Variants in CCDC148 observed in about 807,000 individuals in gnomAD.
The protein encoded by CCDC148 is coiled-coil domain-containing protein 148.
Under a neutral mutation model 85.7 loss-of-function variants are expected in CCDC148, and 89 were observed. The ratio of observed to expected loss-of-function variants is 1.04; its 90% CI spans 0.87 to 1.24. The LOEUF is 1.24. Among genes scored for constraint, CCDC148 ranks in the 50% most tolerant of loss-of-function variants. The pLI is 0.00. For missense variants in CCDC148, 692 were observed against 671.7 expected (o/e 1.03, Z -0.33); for synonymous variants, 230 against 213.9 (o/e 1.08, Z -0.66).
At chr2:158,292,931 T>A (rs528668202) in intron 9 of CCDC148, among the ~76,000 whole-genome samples, 1 of 152,338 alleles carries the variant, frequency 6.6e-6, no homozygotes, top group South Asian at 2.1e-4. Flanking sequence ...GTCAATTTGT[T>A]ACAAATGCAG....
intron 2 of CCDC148, among the ~76,000 whole-genome samples, chr2:158,351,680 G>C (rs1001556751): frequency 2.0e-5 from 3 of 152,154 alleles, no homozygotes; most frequent in Admixed American, 6.5e-5. Flanking sequence ...GGCTTGATTA[G>C]GTAAACAAAG....
At chr2:158,437,283 T>G (rs1687704261) in intron 1 of CCDC148, among the ~76,000 whole-genome samples, 1 of 152,132 alleles carries the variant, frequency 6.6e-6, no homozygotes, top group Non-Finnish European at 1.5e-5. Flanking sequence ...TCCACCATGA[T>G]CAAGTGGGCT....
At chr2:158,277,531 T>C (rs989209760) in intron 9 of CCDC148, among the ~76,000 whole-genome samples, 1 of 152,242 alleles carries the variant, frequency 6.6e-6, no homozygotes, top group Non-Finnish European at 1.5e-5. Context: ...TGCCAGGAAC[T>C]ACACCATGTC....
chr2:158,314,010 A>G (rs1692166980), intron 7 of CCDC148, 116 bp from the exon 8 acceptor site: 3 of 980,424 alleles, frequency 3.1e-6, no homozygotes, highest in African/African-American at 3.3e-5. Flanking sequence ...GTTTCTGTGT[A>G]TTTTAAATAC....
chr2:158,335,519 TCA>T (rs1682331455), intron 7 of CCDC148, among the ~76,000 whole-genome samples: 1 of 152,200 alleles, frequency 6.6e-6, no homozygotes, highest in South Asian at 2.1e-4. Flanking sequence ...TGGGGAGGCC[TCA>T]CACTCATGGC....
intron 11 of CCDC148, among the ~76,000 whole-genome samples, chr2:158,214,070 T>C (rs2105294850): frequency 7.1e-6 from 1 of 141,332 alleles, no homozygotes; most frequent in Admixed American, 7.6e-5. Flanking sequence ...AGAAAGGAAC[T>C]TGGAGCATAG....
intron 1 of CCDC148, among the ~76,000 whole-genome samples, chr2:158,444,784 TGAAAAA>T (rs1688089673): frequency 2.3e-5 from 1 of 43,702 alleles, no homozygotes; most frequent in South Asian, 1.2e-3. Flanking sequence ...GACCCTGTCT[TGAAAAA>T]AAAAAAAAAA....
chr2:158,176,755 A>C, intron 12 of CCDC148, 94 bp from the exon 13 acceptor site: 1 of 1,405,648 alleles, frequency 7.1e-7, no homozygotes. Context: ...AAAGTTAAGA[A>C]ATTTTATTAA....
chr2:158,427,869 G>GA (rs567962938), intron 1 of CCDC148, among the ~76,000 whole-genome samples: 6 of 151,766 alleles, frequency 4.0e-5, no homozygotes, highest in Non-Finnish European at 5.9e-5. Flanking sequence ...AGACTTTACT[G>GA]AAAAAAAAGA....
At position 158,449,998 on chromosome 2, in the gene CCDC148, T is replaced by TTTG. The variant is rs1224231751; in HGVS notation, c.25+6416_25+6417insCAA. ...CACATATTGTCATCTTCATTTTTTT[T>TTTG]TTTTTGTATTTTAAAAATTAACTAC... On this transcript the variant is annotated intron_variant, in intron 1 of 13. Coordinates refer to ENST00000283233, the MANE Select transcript of CCDC148 (RefSeq NM_138803.4). Among the ~76,000 whole-genome samples the TTTG allele has an allele frequency of 2.6e-5, 4 of 152,040 alleles. No individual in the cohort carries two copies. The South Asian group carries it at 6.2e-4, about 24-fold the overall frequency.
chr2:158,429,004 G>C (rs1315324814), intron 1 of CCDC148, among the ~76,000 whole-genome samples: 1 of 152,054 alleles, frequency 6.6e-6, no homozygotes, highest in East Asian at 1.9e-4. Flanking sequence ...GATGAAGCTG[G>C]AAACCATCAT....
chr2:158,403,667 AGAT>A (rs1410000055), intron 1 of CCDC148, among the ~76,000 whole-genome samples: 2 of 150,926 alleles, frequency 1.3e-5, no homozygotes, highest in African/African-American at 4.9e-5. Context: ...AACGCTGCCA[AGAT>A]TATTGGTCCT....
At chr2:158,216,386 CTTTTTTTTTTTTT>C (rs397697591) in intron 11 of CCDC148, among the ~76,000 whole-genome samples, 4 of 59,434 alleles carry the variant, frequency 6.7e-5, no homozygotes, top group Non-Finnish European at 1.2e-4. Context: ...AAGCACAATA[CTTTTTTTTTTTTT>C]TTTTTTTTTT....
chr2:158,421,666 A>G (rs112437437), intron 1 of CCDC148, among the ~76,000 whole-genome samples: 11,289 of 152,262 alleles, frequency 0.074, 558 homozygotes, highest in Middle Eastern at 0.14. Context: ...CCCTAACATC[A>G]CAATTAAAAG....
At chr2:158,391,235 T>C (rs562145161) in intron 1 of CCDC148, among the ~76,000 whole-genome samples, 25 of 152,288 alleles carry the variant, frequency 1.6e-4, no homozygotes, top group Admixed American at 1.2e-3. Context: ...TGGCTGCAAC[T>C]CTTTCCCAAT....
At chr2:158,402,643 T>C (rs868639016) in intron 1 of CCDC148, among the ~76,000 whole-genome samples, 5 of 152,054 alleles carry the variant, frequency 3.3e-5, no homozygotes, top group South Asian at 2.1e-4. Context: ...ATATCTTCAT[T>C]CTTTTAACAG....
intron 9 of CCDC148, among the ~76,000 whole-genome samples, chr2:158,280,049 T>C (rs1400482072): frequency 1.3e-5 from 2 of 151,544 alleles, no homozygotes; most frequent in African/African-American, 4.8e-5. Context: ...GAAGGAGAAA[T>C]AAAATCCTTT....
intron 9 of CCDC148, among the ~76,000 whole-genome samples, chr2:158,254,572 A>G (rs891525036): frequency 6.6e-6 from 1 of 151,728 alleles, no homozygotes; most frequent in African/African-American, 2.4e-5. Context: ...ATGCATATGC[A>G]AAGAGATTTA....
chr2:158,217,350 AT>A (rs1686922143), intron 11 of CCDC148, among the ~76,000 whole-genome samples: 2 of 128,702 alleles, frequency 1.6e-5, no homozygotes, highest in African/African-American at 5.6e-5. Flanking sequence ...ATATATATAT[AT>A]ATATAAAATT....
Sources: gnomAD v4.1 joint callset for allele counts (sites outside exome capture counted in the v4.1 genomes callset) on GRCh38, gnomAD v4.1.1 for gene constraint, MANE v1.5 for transcripts, NCBI Gene and HGNC (gene_info 2026-07-23, HGNC 2026-07-21) for gene names.